SAMD4A: variants seen among roughly 807,000 people sequenced by gnomAD.
The protein encoded by SAMD4A is protein Smaug homolog 1.
SAMD4A carries 33 observed loss-of-function variants against 81.3 expected under a neutral mutation model. The observed-to-expected ratio is 0.41, with a 90% CI of 0.31 to 0.54. SAMD4A has a LOEUF of 0.54. Among genes scored for constraint, SAMD4A ranks in the 20% least tolerant of loss-of-function variants. SAMD4A has a pLI of 0.37. For synonymous variants in SAMD4A, 389 were observed against 382.1 expected (o/e 1.02, Z -0.21); for missense variants, 854 against 951.1 (o/e 0.90, Z 1.34).
At chr14:54,745,182 A>G (rs2037937310) in intron 4 of SAMD4A, among the ~76,000 whole-genome samples, 1 of 152,146 alleles carries the variant, frequency 6.6e-6, no homozygotes, top group Non-Finnish European at 1.5e-5. Flanking sequence ...CCTTTCTAGC[A>G]CACTCATCTG....
chr14:54,687,296 T>C (rs1229732643), intron 2 of SAMD4A: 1 of 454,238 alleles, frequency 2.2e-6, no homozygotes, highest in Admixed American at 2.4e-5. Flanking sequence ...GTATTTCTTC[T>C]TACCTCAAAA....
Position 54,789,067 on chromosome 14 carries a change from C to G in SAMD4A, c.*123C>G, listed in dbSNP as rs2039213481. ...TTGCAGCCTTTTTTCCCCCTGGTCC[C>G]TCTCCCGTTTTGATTTTGTGAGAGC... On this transcript the variant is annotated 3_prime_UTR_variant, in exon 13 of 13. Coordinates refer to ENST00000554335, the MANE Select transcript of SAMD4A (RefSeq NM_015589.6). The G allele has an allele frequency of 9.1e-7, 1 of 1,100,574 alleles. No individual in the cohort carries two copies. The highest frequency in any genetic ancestry group is 1.8e-5 in the Admixed American group (1 of 55,394). The allele number at this position is 1,100,574 out of a possible 1,614,324, so 68.2% of individuals were successfully genotyped here.
At chr14:54,596,490 C>T (rs1403836779) in intron 2 of SAMD4A, among the ~76,000 whole-genome samples, 1 of 152,154 alleles carries the variant, frequency 6.6e-6, no homozygotes, top group Non-Finnish European at 1.5e-5. Context: ...GAAGCTGAGG[C>T]AGGGGAATCG....
intron 6 of SAMD4A, among the ~76,000 whole-genome samples, chr14:54,757,693 G>C (rs778472823): frequency 6.6e-6 from 1 of 152,132 alleles, no homozygotes; most frequent in Non-Finnish European, 1.5e-5. Context: ...TCACCCCAGC[G>C]TGGCTTTCCT....
Position 54,760,385 on chromosome 14 carries a change from C to T in SAMD4A, c.1401C>T (p.Ala467=), listed in dbSNP as rs12879706. Residue 467 remains alanine, a synonymous_variant, in exon 7 of 13, where the codon GCC becomes GCT. Transcript: ENST00000554335. ...CCACGGCCACCCCCTCGGCCGGGGC[C>T]AGCGGGGGGCTCCAGCCGCACCAGC... ...TGATATPSAG[A]SGGLQPHQLS... 91,001 of 1,511,460 alleles carry T rather than the reference C, an allele frequency of 0.06. 3,065 individuals carry two copies. Among genetic ancestry groups the T allele is most frequent in the Non-Finnish European group, 0.069 (79,349 of 1,141,896 alleles). 93.6% of individuals were successfully genotyped at this position (1,511,460 alleles called of 1,614,324 possible). A position where few individuals can be genotyped will look rare whatever the true frequency, so the allele number is the denominator to read the frequency against.
intron 2 of SAMD4A, among the ~76,000 whole-genome samples, chr14:54,606,121 T>G (rs765028236): frequency 1.6e-4 from 24 of 151,982 alleles, no homozygotes; most frequent in Non-Finnish European, 3.4e-4. Flanking sequence ...TTTTAGAAAA[T>G]ATGAAGCATG....
chr14:54,578,278 C>A (rs2033364016), intron 2 of SAMD4A, among the ~76,000 whole-genome samples: 1 of 152,110 alleles, frequency 6.6e-6, no homozygotes, highest in Non-Finnish European at 1.5e-5. Flanking sequence ...TCCAAAGTCC[C>A]TTCTGACCTT....
At chr14:54,681,917 C>T (rs1413288503) in intron 2 of SAMD4A, 9 of 985,252 alleles carry the variant, frequency 9.1e-6, no homozygotes, top group African/African-American at 1.7e-5. Flanking sequence ...TTATGACTGC[C>T]GCAATATCCC....
intron 2 of SAMD4A, among the ~76,000 whole-genome samples, chr14:54,643,697 G>T (rs2035223269): frequency 6.6e-6 from 1 of 152,230 alleles, no homozygotes; most frequent in Admixed American, 6.5e-5. Context: ...TTCTAGGTAT[G>T]TTTAAATTGT....
At chr14:54,731,530 T>A (rs1475209435) in intron 3 of SAMD4A, among the ~76,000 whole-genome samples, 1 of 152,238 alleles carries the variant, frequency 6.6e-6, no homozygotes, top group African/African-American at 2.4e-5. Flanking sequence ...ACACTTGGCA[T>A]CCTCATTCTA....
intron 3 of SAMD4A, among the ~76,000 whole-genome samples, chr14:54,718,872 G>A (rs891329736): frequency 6.6e-5 from 10 of 151,976 alleles, no homozygotes; most frequent in South Asian, 6.2e-4. Flanking sequence ...GGCGTGTGGC[G>A]GGCACCTGTA....
intron 2 of SAMD4A, among the ~76,000 whole-genome samples, chr14:54,626,059 T>TGTGCGCGC (rs368142521): frequency 5.0e-4 from 51 of 102,120 alleles, no homozygotes; most frequent in Admixed American, 8.4e-4. Context: ...TGTGTGTGTG[T>TGTGCGCGC]GCGCGCGCGC....
At chr14:54,630,304 A>C (rs1406336210) in intron 2 of SAMD4A, among the ~76,000 whole-genome samples, 2 of 152,206 alleles carry the variant, frequency 1.3e-5, no homozygotes, top group African/African-American at 4.8e-5. Flanking sequence ...AGCAATGCAC[A>C]AGGGTTCCAA....
At chr14:54,766,666 G>A (rs755704722) in intron 8 of SAMD4A, among the ~76,000 whole-genome samples, 1 of 152,176 alleles carries the variant, frequency 6.6e-6, no homozygotes, top group Non-Finnish European at 1.5e-5. Context: ...TGGGGCAGAC[G>A]GAATGGGGAG....
intron 11 of SAMD4A, among the ~76,000 whole-genome samples, chr14:54,777,882 C>T (rs2038900232): frequency 6.6e-6 from 1 of 152,174 alleles, no homozygotes; most frequent in African/African-American, 2.4e-5. Context: ...TATAATTACA[C>T]ATATTTCTAT....
intron 2 of SAMD4A, among the ~76,000 whole-genome samples, chr14:54,616,594 T>C (rs1457211110): frequency 2.0e-5 from 3 of 152,224 alleles, no homozygotes; most frequent in African/African-American, 7.2e-5. Flanking sequence ...CAAATTGTTC[T>C]ATCTTTAGAT....
At chr14:54,648,837 A>C (rs1205896347) in intron 2 of SAMD4A, among the ~76,000 whole-genome samples, 1 of 152,200 alleles carries the variant, frequency 6.6e-6, no homozygotes, top group Non-Finnish European at 1.5e-5. Context: ...CGGCACAGAG[A>C]GTAATGAAAG....
At chr14:54,688,568 C>A (rs74049563) in intron 2 of SAMD4A, among the ~76,000 whole-genome samples, 1 of 152,166 alleles carries the variant, frequency 6.6e-6, no homozygotes, top group South Asian at 2.1e-4. Context: ...TTAGATGCAG[C>A]GATTGCTGCT....
At chr14:54,785,216 C>G (rs1465824216) in intron 12 of SAMD4A, among the ~76,000 whole-genome samples, 1 of 152,234 alleles carries the variant, frequency 6.6e-6, no homozygotes, top group Admixed American at 6.5e-5. Context: ...GAGGCGCCTG[C>G]ACGTCCACTG....
Sources: gnomAD v4.1 joint callset for allele counts (sites outside exome capture counted in the v4.1 genomes callset) on GRCh38, gnomAD v4.1.1 for gene constraint, MANE v1.5 for transcripts, NCBI Gene and HGNC (gene_info 2026-07-23, HGNC 2026-07-21) for gene names.